The following TULP4 variants were observed in gnomAD, a reference collection of about 807,000 sequenced individuals.
TULP4 encodes the protein tubby-related protein 4.
A neutral mutation model predicts 129.0 loss-of-function variants in TULP4; 16 were observed. That is an observed-to-expected ratio of 0.12 (90% CI 0.08 to 0.19). TULP4 has a LOEUF of 0.19. Ranked by LOEUF, TULP4 falls within the 10% of genes least tolerant of loss-of-function variation. TULP4 has a pLI of 1.00. For missense variants in TULP4, 1,842 were observed against 2,059.1 expected, an observed-to-expected ratio of 0.89 and a Z score of 2.04; for synonymous variants, 998 against 854.0, an observed-to-expected ratio of 1.17 and a Z score of -2.94.
intron 1 of TULP4, among the ~76,000 whole-genome samples, chr6:158,241,527 G>A (rs1321427744): frequency 1.3e-5 from 2 of 152,034 alleles, no homozygotes; most frequent in Non-Finnish European, 2.9e-5. Context: ...CGGATCACTC[G>A]CGGTTAGGGG....
At chr6:158,368,066 CA>C (rs3085241) in intron 1 of TULP4, among the ~76,000 whole-genome samples, 1,262 of 64,988 alleles carry the variant, frequency 0.019, 9 homozygotes, top group Middle Eastern at 0.067. Flanking sequence ...ACCCTGTCTC[CA>C]AAAAAAAAAA....
intron 5 of TULP4, among the ~76,000 whole-genome samples, chr6:158,453,449 A>C (rs1188918815): frequency 1.6e-5 from 2 of 125,234 alleles, no homozygotes; most frequent in Admixed American, 2.0e-4. Context: ...ACGCCACTGC[A>C]CTCCAGCCTG....
intron 2 of TULP4, among the ~76,000 whole-genome samples, chr6:158,416,013 G>A (rs953226442): frequency 1.1e-4 from 16 of 152,242 alleles, no homozygotes; most frequent in Admixed American, 6.5e-5. Flanking sequence ...AAGAGCCCCT[G>A]GCAAACCACT....
At chr6:158,458,078 G>T (rs1323749424) in intron 5 of TULP4, among the ~76,000 whole-genome samples, 1 of 152,128 alleles carries the variant, frequency 6.6e-6, no homozygotes, top group Non-Finnish European at 1.5e-5. Flanking sequence ...CATGCACATG[G>T]TAATCTAAGG....
intron 1 of TULP4, among the ~76,000 whole-genome samples, chr6:158,234,838 A>G (rs548638598): frequency 6.6e-6 from 1 of 152,348 alleles, no homozygotes; most frequent in South Asian, 2.1e-4. Flanking sequence ...TACTAAACAT[A>G]CTAATTTTTT....
intron 1 of TULP4, among the ~76,000 whole-genome samples, chr6:158,400,945 A>G (rs1449577033): frequency 2.0e-5 from 3 of 152,220 alleles, no homozygotes; most frequent in Non-Finnish European, 4.4e-5. Flanking sequence ...CAGGTGTTCT[A>G]GGCTATGTAC....
At chr6:158,288,506 A>AT (rs36057113) in intron 1 of TULP4, among the ~76,000 whole-genome samples, 22,794 of 148,148 alleles carry the variant, frequency 0.15, 2,374 homozygotes, top group East Asian at 0.43. Flanking sequence ...TGAGTGTTGA[A>AT]TTTTTTTTTT....
At chr6:158,332,182 A>T (rs1562523587) in intron 1 of TULP4, among the ~76,000 whole-genome samples, 1 of 85,904 alleles carries the variant, frequency 1.2e-5, no homozygotes, top group African/African-American at 6.0e-5. Flanking sequence ...AAAAAAAAAA[A>T]AAAAAAAAAA....
chr6:158,246,097 A>G (rs1386397405), intron 1 of TULP4, among the ~76,000 whole-genome samples: 1 of 151,592 alleles, frequency 6.6e-6, no homozygotes. Flanking sequence ...TAAAGACCAT[A>G]TAGAATGGGG....
intron 1 of TULP4, among the ~76,000 whole-genome samples, chr6:158,373,097 A>T (rs1188531363): frequency 6.6e-6 from 1 of 152,240 alleles, no homozygotes; most frequent in African/African-American, 2.4e-5. Context: ...TGAACTGTAA[A>T]TAAAGGCTAA....
At chr6:158,375,898 T>C (rs1320952464) in intron 1 of TULP4, among the ~76,000 whole-genome samples, 2 of 152,176 alleles carry the variant, frequency 1.3e-5, no homozygotes, top group African/African-American at 4.8e-5. Context: ...TATTTTGTCA[T>C]GGGCAGGAAC....
intron 1 of TULP4, among the ~76,000 whole-genome samples, chr6:158,317,455 T>C (rs1779517010): frequency 6.6e-6 from 1 of 151,392 alleles, no homozygotes; most frequent in African/African-American, 2.4e-5. Flanking sequence ...CTGAGAATGA[T>C]GGTTTCCAGC....
At chr6:158,373,899 C>G (rs866485676) in intron 1 of TULP4, among the ~76,000 whole-genome samples, 1 of 152,124 alleles carries the variant, frequency 6.6e-6, no homozygotes, top group Non-Finnish European at 1.5e-5. Context: ...GGCGGGGAGA[C>G]AGGAGACCTT....
chr6:158,313,867 C>A lies in TULP4; in HGVS notation c.-150C>A. 2 of 807,126 alleles carry A rather than the reference C, an allele frequency of 2.5e-6. No individual in the cohort carries two copies. The highest frequency in any genetic ancestry group is 2.7e-5 in the East Asian group (1 of 37,078). 50.0% of individuals were successfully genotyped at this position (807,126 alleles called of 1,614,324 possible). A position where few individuals can be genotyped will look rare whatever the true frequency, so the allele number is the denominator to read the frequency against. ...TCGGTGGATCTTTATAAAATACTGA[C>A]CTTCTAATTAGATTCAGGTCAGTCT... is the stretch of plus-strand genomic sequence containing the variant. On this transcript the variant is annotated 5_prime_UTR_variant, in exon 1 of 14. Transcript: ENST00000367097.
Position 158,462,745 on chromosome 6 carries a change from T to TC in TULP4, c.1026+1018dup, listed in dbSNP as rs1272889797. On this transcript the variant is annotated intron_variant, in intron 6 of 13. Transcript: ENST00000367097. ...AGAGTTTACCCTATGTCTTTTTTTTTCCTTTTTTTTTTTTTTTTTTTGAAT... is the reference window on the plus strand; with the variant it reads ...AGAGTTTACCCTATGTCTTTTTTTTTCCCTTTTTTTTTTTTTTTTTTTGAAT... Among the ~76,000 whole-genome samples the TC allele has an allele frequency of 9.4e-3, 1,187 of 125,938 alleles. 19 individuals carry two copies. The highest frequency in any genetic ancestry group is 0.04 in the African/African-American group (1,102 of 27,754). The allele number at this position is 125,938 out of a possible 152,430, so 82.6% of individuals were successfully genotyped here.
chr6:158,351,014 A>G (rs1256430762), intron 1 of TULP4, among the ~76,000 whole-genome samples: 1 of 152,082 alleles, frequency 6.6e-6, no homozygotes, highest in Non-Finnish European at 1.5e-5. Context: ...TCGGCCTCCC[A>G]AAGTGCTAGT....
intron 1 of TULP4, among the ~76,000 whole-genome samples, chr6:158,296,012 A>T (rs534526572): frequency 6.6e-6 from 1 of 152,326 alleles, no homozygotes; most frequent in East Asian, 1.9e-4. Flanking sequence ...TTTCTTTTTA[A>T]TTTTTAGTCG....
At chr6:158,311,365 G>C (rs9456284), upstream of TULP4, among the ~76,000 whole-genome samples, 131,828 of 152,116 alleles carry the variant, frequency 0.87, 57,493 homozygotes, top group Admixed American at 0.92. Context: ...CTGGCGGGGC[G>C]GGAGGGCAGG....
intron 1 of TULP4, among the ~76,000 whole-genome samples, chr6:158,400,368 T>A (rs554610167): frequency 6.6e-6 from 1 of 152,286 alleles, no homozygotes; most frequent in Middle Eastern, 3.4e-3. Flanking sequence ...CAAAAGAAAT[T>A]GTGAAAGCAT....
Sources: gnomAD v4.1 joint callset for allele counts (sites outside exome capture counted in the v4.1 genomes callset) on GRCh38, gnomAD v4.1.1 for gene constraint, MANE v1.5 for transcripts, NCBI Gene and HGNC (gene_info 2026-07-23, HGNC 2026-07-21) for gene names.